The following TMEM170A variants were observed in gnomAD, a reference collection of about 807,000 sequenced individuals.
TMEM170A encodes transmembrane protein 170A, also known as transmembrane protein 170.
In TMEM170A, 18 loss-of-function variants were observed where a neutral mutation model predicts 12.8. The observed-to-expected ratio is 1.41, with a 90% confidence interval of 0.97 to 2.09. The LOEUF (loss-of-function observed/expected upper bound fraction) is 2.09. Ranked by LOEUF, TMEM170A falls within the 30% of genes most tolerant of loss-of-function variation. The pLI is 0.00. For missense variants in TMEM170A, 220 were observed against 179.9 expected (o/e 1.22, Z -1.28); for synonymous variants, 107 against 76.2 (o/e 1.40, Z -2.11).
At chr16:75,464,052 G>A (rs1264211823) in intron 1 of TMEM170A, among the ~76,000 whole-genome samples, 2 of 152,232 alleles carry the variant, frequency 1.3e-5, no homozygotes, top group Admixed American at 1.3e-4. Context: ...TGACTCCTCA[G>A]CGCGGCCGGG....
chr16:75,447,247 G>T lies in TMEM170A; in HGVS notation c.*311C>A. ...CTCACAGAATACTGTAAATTTCAGT[G>T]CAAAGGATGCCACCCCAGAGACACT... On this transcript the variant is annotated 3_prime_UTR_variant, in exon 3 of 3. Transcript: ENST00000561878. The T allele has an allele frequency of 5.2e-6, 1 of 191,090 alleles. No homozygotes were observed. The highest frequency in any genetic ancestry group is 1.1e-5 in the Non-Finnish European group (1 of 94,332). The allele number at this position is 191,090 out of a possible 1,614,324, so 11.8% of individuals were successfully genotyped here. A position where few individuals can be genotyped will look rare whatever the true frequency, so the allele number is the denominator to read the frequency against.
chr16:75,455,037 C>T (rs4887829), intron 1 of TMEM170A, among the ~76,000 whole-genome samples: 75,037 of 152,036 alleles, frequency 0.49, 19,997 homozygotes, highest in Admixed American at 0.62. Flanking sequence ...TGTGCACCCA[C>T]GTAATACTAC....
In TMEM170A at chr16:75,452,962, A is replaced by G. The variant is rs562147171; in HGVS notation, c.134-1123T>C. Among the ~76,000 whole-genome samples the G allele has an allele frequency of 5.3e-5, 8 of 149,794 alleles. 1 individual carries two copies. In the East Asian group the frequency reaches 1.4e-3, roughly 25 times the overall value. The stretch of plus-strand genomic sequence containing the variant: ...TCAACCCATGCCCTTTCATTTAAGT[A>G]TTGTTTATGGCTGCCTTCCAGCTTC... On this transcript the variant is annotated intron_variant, in intron 1 of 2. Transcript: ENST00000561878.
At chr16:75,453,097 GA>G (rs148453326) in intron 1 of TMEM170A, among the ~76,000 whole-genome samples, 1 of 151,320 alleles carries the variant, frequency 6.6e-6, no homozygotes, top group African/African-American at 2.4e-5. Flanking sequence ...CCCTCAAACT[GA>G]AAAAAAAGGT....
chr16:75,454,446 G>A (rs1324692594), intron 1 of TMEM170A, among the ~76,000 whole-genome samples: 1 of 126,118 alleles, frequency 7.9e-6, no homozygotes, highest in Non-Finnish European at 1.7e-5. Context: ...GTGAAACCCT[G>A]TCTCTCTAAA....
At chr16:75,462,796 A>T (rs78209658) in intron 1 of TMEM170A, among the ~76,000 whole-genome samples, 1 of 152,208 alleles carries the variant, frequency 6.6e-6, no homozygotes, top group Non-Finnish European at 1.5e-5. Flanking sequence ...TAAGGAAAAA[A>T]ATCTATGTGG....
chr16:75,464,477 A>C lies in TMEM170A; in HGVS notation c.124T>G (p.Ser42Ala). 1 of 1,545,394 alleles carries C rather than the reference A, an allele frequency of 6.5e-7. No individual in the cohort carries two copies. The highest frequency in any genetic ancestry group is 8.7e-7 in the Non-Finnish European group (1 of 1,150,616). The change falls in exon 1 of 3, where the codon TCC (serine) becomes GCC (alanine). Residue 42 changes from serine to alanine, a missense_variant. Transcript: ENST00000561878. ...TLCPNSTSLCSFPEMWYGVFL... is the reference protein window; with the variant it reads ...TLCPNSTSLCAFPEMWYGVFL... ...GCGGGGCGGGCCGTACCTGGGAAGG[A>C]GCAGAGGGAAGTAGAGTTGGGGCAC...
chr16:75,456,272 A>T (rs952814836), intron 1 of TMEM170A, among the ~76,000 whole-genome samples: 22 of 152,110 alleles, frequency 1.4e-4, no homozygotes, highest in Admixed American at 1.2e-3. Flanking sequence ...GGATGCCCCA[A>T]TTAGGTCTCA....
intron 2 of TMEM170A, among the ~76,000 whole-genome samples, chr16:75,450,444 C>A (rs986962513): frequency 1.3e-5 from 2 of 152,008 alleles, no homozygotes; most frequent in African/African-American, 2.4e-5. Context: ...ATAAAATACA[C>A]ATTTATATTT....
chr16:75,447,579 T>A lies in TMEM170A; in HGVS notation c.414A>T (p.Leu138Phe). 6.2e-7 allele frequency: 1 copy of A among 1,613,140 alleles called. No homozygotes were observed. The part of the protein sequence containing the change: ...QTFCVLVVSF[L>F]RILATL ...TATGCTATAGAGTAGCTAAAATCCGTAAAAAGGAGACCACCAAGACGCAAA... is the reference window on the plus strand; with the variant it reads ...TATGCTATAGAGTAGCTAAAATCCGAAAAAAGGAGACCACCAAGACGCAAA... Residue 138 changes from leucine to phenylalanine, a missense_variant, in exon 3 of 3, where the codon TTA (leucine) becomes TTT (phenylalanine). Coordinates refer to ENST00000561878, the MANE Select transcript of TMEM170A (RefSeq NM_145254.3).
At chr16:75,454,090 C>G (rs2079738433) in intron 1 of TMEM170A, among the ~76,000 whole-genome samples, 1 of 152,290 alleles carries the variant, frequency 6.6e-6, no homozygotes, top group Middle Eastern at 3.4e-3. Context: ...AAGAGCTTAG[C>G]TCAGCAGGGT....
At chr16:75,463,165 G>C (rs2079937754) in intron 1 of TMEM170A, among the ~76,000 whole-genome samples, 1 of 152,202 alleles carries the variant, frequency 6.6e-6, no homozygotes, top group African/African-American at 2.4e-5. Flanking sequence ...TCTCTCAACT[G>C]TTTGGCAGGC....
intron 2 of TMEM170A, 70 bp downstream of exon 2, chr16:75,451,599 T>A (rs761322086): frequency 6.6e-6 from 10 of 1,521,972 alleles, no homozygotes; most frequent in Admixed American, 5.0e-5. Context: ...AGATATGTTT[T>A]CTAGAATAGG....
intron 2 of TMEM170A, among the ~76,000 whole-genome samples, chr16:75,450,179 T>G (rs201127948): frequency 0.03 from 2,152 of 71,890 alleles, 55 homozygotes; most frequent in African/African-American, 0.15. Flanking sequence ...CCACTTTCTC[T>G]CAAAAAAAAA....
chr16:75,464,251 C>T, intron 1 of TMEM170A: 3 of 1,500,678 alleles, frequency 2.0e-6, no homozygotes, highest in Admixed American at 2.1e-5. Context: ...CTCTCTGCAT[C>T]TCACGCCCAG....
intron 1 of TMEM170A, 33 bp downstream of exon 1, chr16:75,464,435 G>T (rs1367752515): frequency 4.3e-6 from 6 of 1,408,206 alleles, no homozygotes; most frequent in Non-Finnish European, 5.5e-6. Context: ...CGACGGCGGG[G>T]CGCGCAGTGC....
chr16:75,461,173 C>T (rs1205806338), intron 1 of TMEM170A, among the ~76,000 whole-genome samples: 3 of 151,810 alleles, frequency 2.0e-5, no homozygotes, highest in Non-Finnish European at 2.9e-5. Flanking sequence ...CCTGCCTCAG[C>T]CTCCCGAGTA....
At chr16:75,454,181 A>G (rs1214463739) in intron 1 of TMEM170A, among the ~76,000 whole-genome samples, 1 of 134,000 alleles carries the variant, frequency 7.5e-6, no homozygotes, top group African/African-American at 2.5e-5. Context: ...GCACTGCAGG[A>G]TATGGAGAGG....
intron 1 of TMEM170A, among the ~76,000 whole-genome samples, chr16:75,454,046 G>T (rs1359398382): frequency 6.6e-6 from 1 of 152,192 alleles, no homozygotes; most frequent in East Asian, 1.9e-4. Context: ...TTGGCTAGAG[G>T]CAGGTAAGTA....
Sources: allele counts gnomAD v4.1 joint callset (sites outside exome capture counted in the v4.1 genomes callset), GRCh38; gene constraint gnomAD v4.1.1; transcripts MANE v1.5; gene names NCBI Gene and HGNC (gene_info 2026-07-23, HGNC 2026-07-21).